UGT1A9: variants seen among roughly 807,000 people sequenced by gnomAD.
The protein encoded by UGT1A9 is UDP glucuronosyltransferase family 1 member A9, also known as UDP-glucuronosyltransferase 1A9.
UGT1A9 carries 35 observed loss-of-function variants against 45.0 expected under a neutral mutation model. That is an observed-to-expected ratio of 0.78 (90% confidence interval 0.59 to 1.03). The LOEUF (loss-of-function observed/expected upper bound fraction) is 1.03, where lower values mean the gene tolerates loss of function less well. Ranked by LOEUF, UGT1A9 falls within the 50% of genes least tolerant of loss-of-function variation. The pLI is 0.00. For missense variants in UGT1A9, 687 were observed against 666.6 expected (o/e 1.03, Z -0.34); for synonymous variants, 278 against 250.6 (o/e 1.11, Z -1.03).
intron 1 of UGT1A9, chr2:233,713,262 C>T (rs776921440): frequency 1.6e-5 from 26 of 1,614,198 alleles, no homozygotes; most frequent in East Asian, 6.7e-5. Flanking sequence ...CGAATTTGAT[C>T]GCCTTTTGCT....
At chr2:233,731,192 A>G (rs1451773849) in intron 1 of UGT1A9, among the ~76,000 whole-genome samples, 1 of 152,106 alleles carries the variant, frequency 6.6e-6, no homozygotes, top group African/African-American at 2.4e-5. Context: ...GTAATTATTC[A>G]ATTATAAAAT....
chr2:233,682,226 C>A, intron 1 of UGT1A9: 1 of 1,614,196 alleles, frequency 6.2e-7, no homozygotes. Flanking sequence ...TGCCGATGCT[C>A]GCTGGACGGC....
At chr2:233,720,293 G>T (rs1340833186) in intron 1 of UGT1A9, among the ~76,000 whole-genome samples, 1 of 152,182 alleles carries the variant, frequency 6.6e-6, no homozygotes, top group Non-Finnish European at 1.5e-5. Flanking sequence ...CTGACCAGGA[G>T]TTGGGGGTCT....
intron 1 of UGT1A9, among the ~76,000 whole-genome samples, chr2:233,727,078 A>G (rs1212092454): frequency 6.6e-6 from 1 of 152,188 alleles, no homozygotes; most frequent in Non-Finnish European, 1.5e-5. Flanking sequence ...TTCTCTTACA[A>G]ACATTAAAGA....
intron 1 of UGT1A9, among the ~76,000 whole-genome samples, chr2:233,683,194 A>G (rs2074622328): frequency 6.6e-6 from 1 of 152,168 alleles, no homozygotes; most frequent in Non-Finnish European, 1.5e-5. Flanking sequence ...TATTTAGGGT[A>G]AATTGTCACT....
intron 1 of UGT1A9, chr2:233,753,392 A>T (rs1289674788): frequency 6.6e-6 from 1 of 152,232 alleles, no homozygotes; most frequent in Non-Finnish European, 1.5e-5. Flanking sequence ...CTCTGAGGGT[A>T]CTAGAGCATA....
chr2:233,695,584 C>A (rs28899170), intron 1 of UGT1A9, among the ~76,000 whole-genome samples: 43,733 of 151,366 alleles, frequency 0.29, 6,589 homozygotes, highest in South Asian at 0.36. Context: ...CCCTACTTAC[C>A]CTTTCCACCT....
rs762367100 is a variant in UGT1A9 at position 233,719,280 on chromosome 2, G to T, written c.855+46491G>T. 2.2e-5 allele frequency: 35 copies of T among 1,613,952 alleles called. No individual in the cohort carries two copies. The highest frequency in any genetic ancestry group is 5.0e-5 in the Admixed American group (3 of 59,980). On this transcript the variant is annotated intron_variant, in intron 1 of 4. Coordinates refer to ENST00000354728, the MANE Select transcript of UGT1A9 (RefSeq NM_021027.3). ...CTTTGATGTGGTTTTAACAGACCCC[G>T]TTAACCTCTGTGGGGCGGTGCTGGC...
intron 1 of UGT1A9, chr2:233,747,911 C>T (rs1693810314): frequency 6.2e-7 from 1 of 1,613,510 alleles, no homozygotes; most frequent in East Asian, 2.2e-5. Flanking sequence ...CTTATGCAAG[C>T]CTTGCCTCTG....
chr2:233,700,524 T>A (rs1335127012), intron 1 of UGT1A9, among the ~76,000 whole-genome samples: 1 of 152,166 alleles, frequency 6.6e-6, no homozygotes, highest in Non-Finnish European at 1.5e-5. Flanking sequence ...GTAATTTAGA[T>A]AACTCTAGGA....
At chr2:233,688,704 G>A (rs2074910823) in intron 1 of UGT1A9, among the ~76,000 whole-genome samples, 1 of 152,088 alleles carries the variant, frequency 6.6e-6, no homozygotes, top group Non-Finnish European at 1.5e-5. Flanking sequence ...GTCCTTCATT[G>A]AACAAATATC....
rs1699597581 is a variant in UGT1A9 at position 233,768,288 on chromosome 2, G to A, written c.1144G>A (p.Gly382Ser). 4 of 1,614,072 alleles carry A rather than the reference G, an allele frequency of 2.5e-6. No individual in the cohort carries two copies. Among genetic ancestry groups the A allele is most frequent in the Non-Finnish European group, 3.4e-6 (4 of 1,180,052 alleles). ...TGGTGTTTATGAAAGCATATGCAATGGCGTTCCCATGGTGATGATGCCCTT... is the reference window on the plus strand; with the variant it reads ...TGGTGTTTATGAAAGCATATGCAATAGCGTTCCCATGGTGATGATGCCCTT... ...SHGVYESICN[G>S]VPMVMMPLFG... The change falls in exon 4 of 5, where the codon GGC (glycine) becomes AGC (serine). Residue 382 changes from glycine to serine, a missense_variant. Physicochemically the swap from Gly to Ser is moderately conservative, Grantham distance 56. Transcript: ENST00000354728.
chr2:233,712,850 AAGTAACT>A, intron 1 of UGT1A9: 5 of 1,537,004 alleles, frequency 3.3e-6, no homozygotes, highest in Admixed American at 3.8e-5. Flanking sequence ...AACGGGTAAT[AAGTAACT>A]GGAGGAGGGC....
chr2:233,684,642 A>G (rs2074689250), intron 1 of UGT1A9, among the ~76,000 whole-genome samples: 1 of 152,206 alleles, frequency 6.6e-6, no homozygotes, highest in African/African-American at 2.4e-5. Flanking sequence ...TATAAAATAT[A>G]TGCATTTATA....
At chr2:233,760,144 TG>T in intron 1 of UGT1A9, 1 of 1,433,916 alleles carries the variant, frequency 7.0e-7, no homozygotes, top group Non-Finnish European at 9.3e-7. Flanking sequence ...TCTCTGAAAG[TG>T]AACTCCCTGC....
At chr2:233,757,535 A>AATAAATATACATATACATATATATATAT (rs1553619837) in intron 1 of UGT1A9, among the ~76,000 whole-genome samples, 4 of 88,284 alleles carry the variant, frequency 4.5e-5, no homozygotes, top group African/African-American at 2.0e-4. Flanking sequence ...GCCTGTAAGG[A>AATAAATATACATATACATATATATATAT]ATATATATAT....
intron 1 of UGT1A9, among the ~76,000 whole-genome samples, chr2:233,731,393 G>C (rs558248956): frequency 2.0e-5 from 3 of 151,372 alleles, no homozygotes; most frequent in Admixed American, 1.3e-4. Flanking sequence ...CCACCAACTC[G>C]TCATTTACAT....
chr2:233,772,615 T>C lies in UGT1A9; in HGVS notation c.*56T>C. ...AACCATTCCCTAGTCATTTCCAAAC[T>C]TGAAAACAGAATCAGTGTTAAATTC... On this transcript the variant is annotated 3_prime_UTR_variant, in exon 5 of 5. Coordinates refer to ENST00000354728, the MANE Select transcript of UGT1A9 (RefSeq NM_021027.3). 6.3e-7 allele frequency: 1 copy of C among 1,574,876 alleles called. No individual in the cohort carries two copies. The highest frequency in any genetic ancestry group is 8.6e-7 in the Non-Finnish European group (1 of 1,159,332).
At position 233,769,777 on chromosome 2, in the gene UGT1A9, C is replaced by G. The variant is rs1699936976; in HGVS notation, c.1295+1338C>G. 7.3e-7 allele frequency: 1 copy of G among 1,373,454 alleles called. No homozygotes were observed. The highest frequency in any genetic ancestry group is 2.6e-5 in the East Asian group (1 of 38,744). 85.1% of individuals were successfully genotyped at this position (1,373,454 alleles called of 1,614,324 possible). ...GGCTAAGGCGGGAGGATTGCTTGAG[C>G]CCAGAAGTTGGAGGCTGCTATGAGC... On this transcript the variant is annotated intron_variant, in intron 4 of 4. Coordinates refer to ENST00000354728, the MANE Select transcript of UGT1A9 (RefSeq NM_021027.3). The surrounding 1 kb of genome is among the most constrained non-coding windows in gnomAD (Gnocchi z 4.4).
Sources: gnomAD v4.1 joint callset for allele counts (sites outside exome capture counted in the v4.1 genomes callset) on GRCh38, gnomAD v4.1.1 for gene constraint, Gnocchi (gnomAD v3.1) non-coding constraint, MANE v1.5 for transcripts, NCBI Gene and HGNC (gene_info 2026-07-23, HGNC 2026-07-21) for gene names.